MYH15: variants seen among roughly 807,000 people sequenced by gnomAD.
MYH15 encodes myosin heavy chain 15, also known as myosin-15.
In MYH15, 227 loss-of-function variants were observed where a neutral mutation model predicts 240.5. The observed-to-expected ratio is 0.94, with a 90% CI of 0.85 to 1.05. MYH15 has a LOEUF of 1.05. MYH15 is among the 50% of genes least tolerant of loss of function. MYH15 has a pLI of 0.00. For missense variants in MYH15, 2,217 were observed against 2,247.5 expected (o/e 0.99, Z 0.27); for synonymous variants, 785 against 796.7 (o/e 0.99, Z 0.25).
rs1328205379 is a variant in MYH15, at chr3:108,381,621, T to TGTCCAGAACCAAGCTGA, written c.5767-79_5767-63dup. ...CTGTGATTTTCACCAGTGGAACACA[T>TGTCCAGAACCAAGCTGA]GTCCAGAACCAAGCTGAGTCCCTTC... is the stretch of plus-strand genomic sequence containing the variant. On this transcript the variant is annotated intron_variant, in intron 40 of 40. Transcript: ENST00000693548. 3.2e-6 allele frequency: 5 copies of TGTCCAGAACCAAGCTGA among 1,579,088 alleles called. No homozygotes were observed. In the African/African-American group the frequency reaches 4.0e-5, roughly 13 times the overall value.
At position 108,381,298 on chromosome 3, in the gene MYH15, CATTT is replaced by C; in HGVS notation, c.*243_*246del. ...AACATCAGAATTGAAAAGGTTCTTCCATTTATTTAATCTGTCATGTGAAGCATTA... is the reference window on the plus strand; with the variant it reads ...AACATCAGAATTGAAAAGGTTCTTCCATTTAATCTGTCATGTGAAGCATTA... On this transcript the variant is annotated 3_prime_UTR_variant, in exon 41 of 41. Coordinates refer to ENST00000693548, the MANE Select transcript of MYH15 (RefSeq NM_014981.3). 1.8e-6 allele frequency: 1 copy of C among 557,382 alleles called. No individual in the cohort carries two copies. Among genetic ancestry groups the C allele is most frequent in the Non-Finnish European group, 3.2e-6 (1 of 312,858 alleles). The allele number at this position is 557,382 out of a possible 1,614,324, so 34.5% of individuals were successfully genotyped here.
chr3:108,411,794 C>T (rs1431747712), intron 30 of MYH15, among the ~76,000 whole-genome samples: 5 of 152,216 alleles, frequency 3.3e-5, no homozygotes, highest in South Asian at 2.1e-4. Flanking sequence ...AAAGGTTCTC[C>T]GGAATTAATA....
In MYH15 at chr3:108,456,699, C is replaced by T. The variant is rs552597055; in HGVS notation, c.2138+67G>A. On this transcript the variant is annotated intron_variant, in intron 19 of 40. Transcript: ENST00000693548. ...ACCAAACAAACAATGCATGCCTAAA[C>T]ACTCGGAAAGGGAGGAAAACAGAAT... The T allele has an allele frequency of 4.8e-5, 57 of 1,175,762 alleles. No homozygotes were observed. In the East Asian group the frequency reaches 1.3e-3, roughly 27 times the overall value. 72.8% of individuals were successfully genotyped at this position (1,175,762 alleles called of 1,614,324 possible).
At chr3:108,490,662 T>G (rs1322165285) in intron 9 of MYH15, among the ~76,000 whole-genome samples, 2 of 152,208 alleles carry the variant, frequency 1.3e-5, no homozygotes, top group African/African-American at 2.4e-5. Context: ...GTACTCACTG[T>G]TCCCTCCTCC....
the MYH15 span, among the ~76,000 whole-genome samples, chr3:108,544,518 T>C: frequency 2.0e-5 from 3 of 152,160 alleles, no homozygotes; most frequent in Non-Finnish European, 4.4e-5. Flanking sequence ...CCAAGTCTCT[T>C]ATTCAGTAGC....
rs192507784 is a variant in MYH15 at position 108,524,154 on chromosome 3, T to G, written c.-58+5109A>C. On this transcript the variant is annotated intron_variant, in intron 1 of 41. Transcript: ENST00000273353. Reference sequence around the variant, plus strand: ...TGTTTTCCAAAAAGGCAGTAACAATTAACAATTTCACCAGTCATATATGAA... The same window carrying G: ...TGTTTTCCAAAAAGGCAGTAACAATGAACAATTTCACCAGTCATATATGAA... 2.0e-5 allele frequency among the ~76,000 whole-genome samples: 3 copies of G among 152,128 alleles called. No homozygotes were observed. The East Asian group carries it at 5.8e-4, about 29-fold the overall frequency.
intron 11 of MYH15, 134 bp from the exon 12 acceptor site, chr3:108,476,649 T>C: frequency 1.9e-6 from 1 of 531,628 alleles, no homozygotes. Flanking sequence ...TAGATTGTAG[T>C]TTTCAAATAA....
rs150232180 is a variant in MYH15, at chr3:108,416,160, A to C, written c.3948+652T>G. 3.3e-3 allele frequency among the ~76,000 whole-genome samples: 508 copies of C among 152,346 alleles called. 3 individuals are homozygous for C. The highest frequency in any genetic ancestry group is 0.012 in the African/African-American group (494 of 41,590). ...ATAATATAGAAAGTATGGAGAGTTA[A>C]GGGAATAAAATGGTACAATATTTTA... On this transcript the variant is annotated intron_variant, in intron 29 of 40. Coordinates refer to ENST00000693548, the MANE Select transcript of MYH15 (RefSeq NM_014981.3).
chr3:108,479,951 T>G (rs970189942), intron 11 of MYH15, among the ~76,000 whole-genome samples: 2 of 152,210 alleles, frequency 1.3e-5, no homozygotes, highest in Admixed American at 1.3e-4. Flanking sequence ...CATATTTCAT[T>G]AATTTATTAA....
intron 33 of MYH15, 128 bp downstream of exon 33, chr3:108,405,210 T>C (rs1576212498): frequency 1.1e-5 from 5 of 454,764 alleles, no homozygotes; most frequent in Middle Eastern, 6.0e-4. Flanking sequence ...GAAAATAATA[T>C]AGAGTTACAC....
chr3:108,475,190 GAGTT>G (rs1429539594), intron 12 of MYH15, among the ~76,000 whole-genome samples: 1 of 152,004 alleles, frequency 6.6e-6, no homozygotes, highest in Non-Finnish European at 1.5e-5. Context: ...CTCTTTTTCA[GAGTT>G]AGGGTGTATA....
At chr3:108,518,459 C>G (rs554988060) in intron 1 of MYH15, among the ~76,000 whole-genome samples, 1 of 152,204 alleles carries the variant, frequency 6.6e-6, no homozygotes, top group African/African-American at 2.4e-5. Flanking sequence ...CGACAGCAGC[C>G]AATCCAGAAT....
intron 25 of MYH15, 56 bp from the exon 26 acceptor site, chr3:108,430,978 A>T: frequency 8.1e-7 from 1 of 1,237,000 alleles, no homozygotes; most frequent in Non-Finnish European, 1.2e-6. Flanking sequence ...TTTTGTTTAA[A>T]GTAGTTAGAA....
chr3:108,399,289 A>G, intron 33 of MYH15, 22 bp from the exon 34 acceptor site: 1 of 1,582,716 alleles, frequency 6.3e-7, no homozygotes, highest in Non-Finnish European at 8.7e-7. Context: ...TAACATTTGG[A>G]GTGGGGGAAA....
At chr3:108,481,046 A>T (rs2083262536) in intron 11 of MYH15, among the ~76,000 whole-genome samples, 1 of 152,256 alleles carries the variant, frequency 6.6e-6, no homozygotes, top group African/African-American at 2.4e-5. Flanking sequence ...GCATACTGAA[A>T]AAAACTCAGT....
At chr3:108,545,942 T>C in the MYH15 span, among the ~76,000 whole-genome samples, 1 of 152,204 alleles carries the variant, frequency 6.6e-6, no homozygotes, top group Non-Finnish European at 1.5e-5. Flanking sequence ...ATAATATTAC[T>C]GTACATAAAT....
chr3:108,538,945 A>C, the MYH15 span, among the ~76,000 whole-genome samples: 1 of 152,196 alleles, frequency 6.6e-6, no homozygotes. Context: ...AAAGAAGGCA[A>C]GAGGGAACTG....
chr3:108,384,760 A>G lies in MYH15; in HGVS notation c.5558T>C (p.Leu1853Pro). 1 of 1,613,842 alleles carries G rather than the reference A, an allele frequency of 6.2e-7. No homozygotes were observed. Among genetic ancestry groups the G allele is most frequent in the African/African-American group, 1.3e-5 (1 of 75,022 alleles). ...TYQAEEDKKN[L>P]SRMQTQMDKL... ...ATCCATCTGAGTTTGCATCCTGCTC[A>G]GATTCTTCTTGTCTTCCTCTGCCTG... The change falls in exon 39 of 41, where the codon CTG (leucine) becomes CCG (proline). Residue 1853 changes from leucine (L) to proline (P), a missense_variant. Physicochemically the swap from Leu to Pro is moderately conservative, Grantham distance 98. Coordinates refer to ENST00000693548, the MANE Select transcript of MYH15 (RefSeq NM_014981.3).
At chr3:108,404,692 T>G (rs1417162772) in intron 33 of MYH15, among the ~76,000 whole-genome samples, 1 of 152,228 alleles carries the variant, frequency 6.6e-6, no homozygotes, top group Admixed American at 6.5e-5. Flanking sequence ...CTATTAAGAC[T>G]CAGCTGCTTT....
Sources: allele counts gnomAD v4.1 joint callset (sites outside exome capture counted in the v4.1 genomes callset), GRCh38; gene constraint gnomAD v4.1.1; transcripts MANE v1.5; gene names NCBI Gene and HGNC (gene_info 2026-07-23, HGNC 2026-07-21).